ZEB2: variants seen among roughly 807,000 people sequenced by gnomAD.
ZEB2 encodes the protein zinc finger E-box-binding homeobox 2.
Under a neutral mutation model 99.9 loss-of-function variants are expected in ZEB2, and 6 were observed. The observed-to-expected ratio is 0.06, with a 90% CI of 0.03 to 0.12. The LOEUF is 0.12. ZEB2 is among the 10% of genes least tolerant of loss of function. ZEB2 has a pLI of 1.00. For missense variants in ZEB2, 969 were observed against 1,502.8 expected, an observed-to-expected ratio of 0.64 and a Z score of 5.87; for synonymous variants, 517 against 542.5, an observed-to-expected ratio of 0.95 and a Z score of 0.65.
rs1703081511 is a variant in ZEB2 at position 144,386,237 on chromosome 2, A to G, written c.*3214T>C. 1.3e-5 allele frequency: 2 copies of G among 152,212 alleles called. No individual in the cohort carries two copies. Among genetic ancestry groups the G allele is most frequent in the Admixed American group, 1.3e-4 (2 of 15,284 alleles). 9.4% of individuals were successfully genotyped at this position (152,212 alleles called of 1,614,324 possible). ...AAAACAGAAGAACACATCTGATGTT[A>G]CTAAAATGCACATCTCTTGGTTGTG... On this transcript the variant is annotated 3_prime_UTR_variant, in exon 10 of 10. Coordinates refer to ENST00000627532, the MANE Select transcript of ZEB2 (RefSeq NM_014795.4).
intron 4 of ZEB2, among the ~76,000 whole-genome samples, chr2:144,411,855 A>C (rs1474246721): frequency 6.6e-6 from 1 of 152,214 alleles, no homozygotes; most frequent in Non-Finnish European, 1.5e-5. Context: ...ATATCTCCCT[A>C]AACAGCAGGA....
intron 2 of ZEB2, chr2:144,461,884 A>T (rs1345481937): frequency 3.3e-5 from 5 of 152,170 alleles, no homozygotes; most frequent in African/African-American, 1.2e-4. Flanking sequence ...CATATGCTAA[A>T]AATTAGGCCT....
chr2:144,463,338 A>G (rs1488815892), intron 2 of ZEB2: 1 of 152,166 alleles, frequency 6.6e-6, no homozygotes, highest in Non-Finnish European at 1.5e-5. Flanking sequence ...AATTGGGAAT[A>G]TAACATGTAT....
intron 4 of ZEB2, among the ~76,000 whole-genome samples, chr2:144,410,261 T>C (rs1703441937): frequency 6.6e-6 from 1 of 152,206 alleles, no homozygotes; most frequent in Non-Finnish European, 1.5e-5. Context: ...TGTATTTTAA[T>C]ACTGTTAGAT....
At chr2:144,510,866 C>T (rs1224666693) in intron 2 of ZEB2, among the ~76,000 whole-genome samples, 1 of 152,134 alleles carries the variant, frequency 6.6e-6, no homozygotes, top group African/African-American at 2.4e-5. Flanking sequence ...AGAGACACAG[C>T]GGATCAGATA....
intron 4 of ZEB2, among the ~76,000 whole-genome samples, chr2:144,417,633 T>C (rs1381056967): frequency 6.6e-6 from 1 of 152,196 alleles, no homozygotes; most frequent in Non-Finnish European, 1.5e-5. Context: ...ATACCATTCA[T>C]TATCCATTCA....
At chr2:144,439,438 AG>A (rs1466630057) in intron 2 of ZEB2, among the ~76,000 whole-genome samples, 1 of 152,240 alleles carries the variant, frequency 6.6e-6, no homozygotes, top group Non-Finnish European at 1.5e-5. Context: ...GGTTAAAATT[AG>A]AAAATTCAAT....
At chr2:144,432,857 T>C (rs551135509) in intron 2 of ZEB2, among the ~76,000 whole-genome samples, 5 of 152,322 alleles carry the variant, frequency 3.3e-5, no homozygotes, top group South Asian at 2.1e-4. Context: ...TTTTGTATAA[T>C]AACCAACGTA....
intron 4 of ZEB2, among the ~76,000 whole-genome samples, chr2:144,410,406 T>C (rs1035021241): frequency 1.3e-5 from 2 of 152,198 alleles, no homozygotes; most frequent in Non-Finnish European, 2.9e-5. Flanking sequence ...AGATAGATAA[T>C]TGATTTTTCA....
rs770951243 is a variant in ZEB2, at chr2:144,398,769, G to T, written c.2418C>A (p.Phe806Leu). 4 of 1,614,024 alleles carry T rather than the reference G, an allele frequency of 2.5e-6. No homozygotes were observed. The highest frequency in any genetic ancestry group is 1.1e-5 in the South Asian group (1 of 91,092). Residue 806 changes from phenylalanine (F) to leucine (L), a missense_variant, in exon 8 of 10, where the codon TTC becomes TTA. This residue lies in a region of ZEB2 where 346 missense variants were observed against 460.0 expected (regional missense o/e 0.75). Coordinates refer to ENST00000627532, the MANE Select transcript of ZEB2 (RefSeq NM_014795.4). ...SHSSSYTPNSFSSEELQAEPL... is the reference protein window; with the variant it reads ...SHSSSYTPNSLSSEELQAEPL... ...GCTCAGCCTGGAGCTCCTCAGAAGA[G>T]AAGCTGTTTGGAGTGTATGAACTAC...
chr2:144,454,680 C>T (rs1248170110), intron 2 of ZEB2, among the ~76,000 whole-genome samples: 1 of 152,126 alleles, frequency 6.6e-6, no homozygotes, highest in Non-Finnish European at 1.5e-5. Flanking sequence ...ACAGGATGTC[C>T]TTATATGAAG....
At chr2:144,513,272 C>A in intron 2 of ZEB2, 1 of 1,289,454 alleles carries the variant, frequency 7.8e-7, no homozygotes, top group Non-Finnish European at 1.0e-6. Context: ...CAGGGATAAC[C>A]ATTTCTGCTC....
At chr2:144,415,002 TTC>T (rs1703520814) in intron 4 of ZEB2, among the ~76,000 whole-genome samples, 2 of 140,888 alleles carry the variant, frequency 1.4e-5, no homozygotes, top group East Asian at 2.0e-4. Flanking sequence ...TTTACTTTTT[TTC>T]TTTTTTTTTT....
At chr2:144,390,065 C>A in intron 9 of ZEB2, 37 bp from the exon 10 acceptor site, 1 of 1,593,702 alleles carries the variant, frequency 6.3e-7, no homozygotes, top group Non-Finnish European at 8.5e-7. Context: ...TGATTAGTGT[C>A]TTTGCATGAA....
chr2:144,504,967 G>A (rs925500013), intron 2 of ZEB2, among the ~76,000 whole-genome samples: 5 of 152,014 alleles, frequency 3.3e-5, no homozygotes, highest in Admixed American at 6.6e-5. Context: ...TGCAATAATC[G>A]TCCTGCTGTC....
At chr2:144,463,839 CAAA>C (rs979375578) in intron 2 of ZEB2, 29 of 115,650 alleles carry the variant, frequency 2.5e-4, no homozygotes, top group African/African-American at 7.9e-4. Flanking sequence ...TCTCAAAAAA[CAAA>C]AAACAAAAAA....
chr2:144,449,579 G>T (rs999578419), intron 2 of ZEB2: 2 of 152,204 alleles, frequency 1.3e-5, no homozygotes, highest in Non-Finnish European at 2.9e-5. Context: ...GACCCCGTCA[G>T]ATTCAGTGCA....
At chr2:144,471,232 C>G (rs1347389189) in intron 2 of ZEB2, among the ~76,000 whole-genome samples, 1 of 152,096 alleles carries the variant, frequency 6.6e-6, no homozygotes, top group Non-Finnish European at 1.5e-5. Context: ...CTACAAACCC[C>G]CAGAGTAACT....
intron 8 of ZEB2, 49 bp downstream of exon 8, chr2:144,398,252 A>G: frequency 6.2e-7 from 1 of 1,608,942 alleles, no homozygotes. Flanking sequence ...CATAATCAAA[A>G]TAATTGCCAC....
Sources: allele counts gnomAD v4.1 joint callset (sites outside exome capture counted in the v4.1 genomes callset), GRCh38; gene constraint gnomAD v4.1.1; regional missense constraint gnomAD v4.1.1; transcripts MANE v1.5; gene names NCBI Gene and HGNC (gene_info 2026-07-23, HGNC 2026-07-21).